Variants in SLC16A4 observed in about 807,000 individuals in gnomAD.
SLC16A4 encodes the protein solute carrier family 16 member 4, also known as probable monocarboxylate transporter 5.
In SLC16A4, 39 loss-of-function variants were observed where a neutral mutation model predicts 47.9. That is an observed-to-expected ratio of 0.81 (90% CI 0.63 to 1.06). SLC16A4 has a LOEUF of 1.06. SLC16A4 is among the 50% of genes least tolerant of loss of function. The pLI is 0.00. For synonymous variants in SLC16A4, 189 were observed against 199.9 expected (o/e 0.95, Z 0.46); for missense variants, 524 against 573.8 (o/e 0.91, Z 0.89).
At chr1:110,389,652 C>T (rs770999616) in intron 1 of SLC16A4, among the ~76,000 whole-genome samples, 51 of 152,222 alleles carry the variant, frequency 3.4e-4, no homozygotes, top group Non-Finnish European at 4.4e-4. Context: ...AATCAACCTA[C>T]GTGCTCATCA....
At chr1:110,377,218 A>G in intron 6 of SLC16A4, 57 bp from the exon 7 acceptor site, 1 of 1,349,750 alleles carries the variant, frequency 7.4e-7, no homozygotes, top group Non-Finnish European at 1.0e-6. Context: ...ATGTGAATGC[A>G]TACAGCATCA....
At position 110,382,690 on chromosome 1, in the gene SLC16A4, A is replaced by T. The variant is rs537864436; in HGVS notation, c.220+144T>A. 7 of 790,332 alleles carry T rather than the reference A, an allele frequency of 8.9e-6. No homozygotes were observed. In the Admixed American group the frequency reaches 1.8e-4, roughly 20 times the overall value. The allele number at this position is 790,332 out of a possible 1,614,324, so 49.0% of individuals were successfully genotyped here. ...AAGTCAAGTGGAAGCTAAATATTGC[A>T]ATTCCTTACTTTCTCAGCGTTACAT... On this transcript the variant is annotated intron_variant, in intron 3 of 8. Transcript: ENST00000369779.
chr1:110,390,692 G>A (rs997074186), intron 1 of SLC16A4, among the ~76,000 whole-genome samples, 173 bp downstream of exon 1: 4 of 152,182 alleles, frequency 2.6e-5, no homozygotes, highest in Non-Finnish European at 5.9e-5. Flanking sequence ...TGAGGAAGGG[G>A]GAACAGTACT....
At chr1:110,371,929 A>G (rs1661708339) in intron 8 of SLC16A4, 1 of 152,206 alleles carries the variant, frequency 6.6e-6, no homozygotes, top group Non-Finnish European at 1.5e-5. Flanking sequence ...TCTCAGTTTC[A>G]GCAAAGATCT....
chr1:110,381,792 GGACCTTAA>G lies in SLC16A4; in HGVS notation c.221-5_223del, dbSNP rs761924824. On this transcript the variant is annotated splice_acceptor_variant and splice_polypyrimidine_tract_variant and coding_sequence_variant and intron_variant, in exon 4 of 9. Coordinates refer to ENST00000369779, the MANE Select transcript of SLC16A4 (RefSeq NM_004696.3). LOFTEE classifies it high-confidence loss of function. ...TATGTCACAAATAATAGCAACCAGG[GGACCTTAA>G]GAGAAGAAAGAAAGGCAATTCTTAG... The G allele has an allele frequency of 6.2e-7, 1 of 1,610,752 alleles. No individual in the cohort carries two copies. The highest frequency in any genetic ancestry group is 8.5e-7 in the Non-Finnish European group (1 of 1,179,108).
intron 8 of SLC16A4, among the ~76,000 whole-genome samples, chr1:110,364,298 G>C (rs1372148859): frequency 6.6e-6 from 1 of 152,006 alleles, no homozygotes; most frequent in Non-Finnish European, 1.5e-5. Flanking sequence ...GCTAGGTGTT[G>C]AGGATACACT....
At position 110,389,244 on chromosome 1, in the gene SLC16A4, A is replaced by G; in HGVS notation, c.80T>C (p.Phe27Ser). The change falls in exon 2 of 9, where the codon TTT becomes TCT. Residue 27 changes from phenylalanine to serine, a missense_variant. Phe to Ser is a radical substitution (Grantham distance 155). Transcript: ENST00000369779. ...GGWGWMIVIHFFLVNVFVMGM... is the reference protein window; with the variant it reads ...GGWGWMIVIHSFLVNVFVMGM... ...AAAAAAGTGAATTCTTACCAGGAAA[A>G]AATGAATCACAATCATCCATCCCCA... 1.2e-6 allele frequency: 2 copies of G among 1,613,682 alleles called. No individual in the cohort carries two copies. Among genetic ancestry groups the G allele is most frequent in the Non-Finnish European group, 1.7e-6 (2 of 1,179,550 alleles).
chr1:110,379,081 T>C lies in SLC16A4; in HGVS notation c.802A>G (p.Arg268Gly). The change falls in exon 6 of 9, where the codon AGG (arginine) becomes GGG (glycine). Residue 268 changes from arginine (R) to glycine (G), a missense_variant. Physicochemically the swap from Arg to Gly is moderately radical, Grantham distance 125. Transcript: ENST00000369779. ...QSEEFYNGPN[R>G]NRLLLKSDEE... ...TCACTCTTTAATAACAGTCTGTTCC[T>C]GTTAGGCCCATTGTAGAACTCTTCA... The C allele has an allele frequency of 6.2e-7, 1 of 1,614,250 alleles. No homozygotes were observed. Among genetic ancestry groups the C allele is most frequent in the Non-Finnish European group, 8.5e-7 (1 of 1,180,042 alleles).
chr1:110,381,874 A>G, intron 3 of SLC16A4, 79 bp from the exon 4 acceptor site: 2 of 1,306,030 alleles, frequency 1.5e-6, no homozygotes, highest in South Asian at 2.6e-5. Context: ...ATTTAAATGA[A>G]TGACAAGGAA....
At position 110,380,058 on chromosome 1, in the gene SLC16A4, CA is replaced by C. The variant is rs542273389; in HGVS notation, c.527-703del. ...AATGACAAAGCGAGAGAGCCTGTCT[CA>C]AAAAAAAAAAAAAAGCAGCGGGAGG... On this transcript the variant is annotated intron_variant, in intron 5 of 8. Coordinates refer to ENST00000369779, the MANE Select transcript of SLC16A4 (RefSeq NM_004696.3). 1.5e-3 allele frequency among the ~76,000 whole-genome samples: 147 copies of C among 96,204 alleles called. 4 individuals are homozygous for C. The highest frequency in any genetic ancestry group is 1.6e-3 in the Admixed American group (14 of 8,604). 63.1% of individuals were successfully genotyped at this position (96,204 alleles called of 152,430 possible).
At position 110,379,187 on chromosome 1, in the gene SLC16A4, T is replaced by G. The variant is rs780506683; in HGVS notation, c.696A>C (p.Thr232=). The change falls in exon 6 of 9, where the codon ACA becomes ACC. Residue 232 remains threonine, a synonymous_variant. Transcript: ENST00000369779. ...AHATETHCHE[T]EESTIKDSTT... ...TACTGTCCTTGATGGTAGACTCTTCTGTCTCATGGCAGTGTGTTTCTGTTG... is the reference window on the plus strand; with the variant it reads ...TACTGTCCTTGATGGTAGACTCTTCGGTCTCATGGCAGTGTGTTTCTGTTG... The G allele has an allele frequency of 7.7e-5, 124 of 1,614,122 alleles. No individual in the cohort carries two copies. The highest frequency in any genetic ancestry group is 9.9e-5 in the Non-Finnish European group (117 of 1,180,052).
Position 110,380,984 on chromosome 1 carries a change from G to C in SLC16A4, c.524C>G (p.Thr175Arg). 1 of 1,613,578 alleles carries C rather than the reference G, an allele frequency of 6.2e-7. No individual in the cohort carries two copies. Among genetic ancestry groups the C allele is most frequent in the Non-Finnish European group, 8.5e-7 (1 of 1,179,502 alleles). The change falls in exon 5 of 9, where the codon ACA becomes AGA. Residue 175 changes from threonine (T) to arginine (R), a missense_variant and splice_region_variant. Coordinates refer to ENST00000369779, the MANE Select transcript of SLC16A4 (RefSeq NM_004696.3). ...TAAATAAACTTAGAATGACGTACCT[G>C]TCCAGTCATACAGATCTATCAGGAA... Reference protein sequence around the residue: ...TKFLIDLYDWTGALILFGAIA... With the variant: ...TKFLIDLYDWRGALILFGAIA...
In SLC16A4 at chr1:110,379,124, T is replaced by A; in HGVS notation, c.759A>T (p.Thr253=). ...QKAGLPSKNL[T]VSQNQSEEFY... ...ACTCTTCACTTTGATTTTGTGAGAC[T>A]GTTAAATTTTTGCTAGGTAGTCCAG... Residue 253 remains threonine, a synonymous_variant, in exon 6 of 9, where the codon ACA becomes ACT. Transcript: ENST00000369779. The A allele has an allele frequency of 6.2e-7, 1 of 1,614,266 alleles. No individual in the cohort carries two copies. Among genetic ancestry groups the A allele is most frequent in the Non-Finnish European group, 8.5e-7 (1 of 1,180,040 alleles).
At chr1:110,389,101 TG>T in intron 2 of SLC16A4, 135 bp downstream of exon 2, 1 of 809,604 alleles carries the variant, frequency 1.2e-6, no homozygotes, top group Non-Finnish European at 2.1e-6. Flanking sequence ...TGGCAGCTCC[TG>T]GCCTTGTTCC....
chr1:110,385,787 T>C (rs1202227533), intron 2 of SLC16A4, among the ~76,000 whole-genome samples: 1 of 152,242 alleles, frequency 6.6e-6, no homozygotes, highest in African/African-American at 2.4e-5. Context: ...AAGAGTGCTA[T>C]AAACGCCAGG....
intron 7 of SLC16A4, 122 bp from the exon 8 acceptor site, chr1:110,375,673 GTTGGTTGGCT>G: frequency 1.7e-6 from 1 of 571,856 alleles, no homozygotes; most frequent in South Asian, 2.8e-5. Context: ...TCTGGGGTGA[GTTGGTTGGCT>G]TTTTGCCCCC....
intron 7 of SLC16A4, 73 bp from the exon 8 acceptor site, chr1:110,375,624 A>G (rs1661957465): frequency 1.2e-6 from 1 of 823,662 alleles, no homozygotes; most frequent in Admixed American, 2.1e-5. Context: ...TAAAAGGGAC[A>G]AATACTATTT....
intron 6 of SLC16A4, among the ~76,000 whole-genome samples, chr1:110,378,121 G>A (rs902441480): frequency 2.6e-5 from 4 of 152,108 alleles, no homozygotes; most frequent in East Asian, 1.9e-4. Flanking sequence ...GAGCCACCAC[G>A]CCCGGCCAGT....
intron 2 of SLC16A4, among the ~76,000 whole-genome samples, chr1:110,386,731 G>A (rs1253304978): frequency 2.6e-5 from 4 of 152,128 alleles, no homozygotes; most frequent in African/African-American, 4.8e-5. Flanking sequence ...CTTATCCTGC[G>A]TCCTTTTCTA....
Sources: allele counts gnomAD v4.1 joint callset (sites outside exome capture counted in the v4.1 genomes callset), GRCh38; gene constraint gnomAD v4.1.1; transcripts MANE v1.5; gene names NCBI Gene and HGNC (gene_info 2026-07-23, HGNC 2026-07-21).